The following DIAPH2 variants were observed in gnomAD, a reference collection of about 807,000 sequenced individuals.
DIAPH2 encodes the protein diaphanous related formin 2.
DIAPH2 carries 35 observed loss-of-function variants against 92.7 expected under a neutral mutation model. The ratio of observed to expected loss-of-function variants is 0.38; its 90% confidence interval spans 0.29 to 0.50. The LOEUF is 0.50. Ranked by LOEUF, DIAPH2 falls within the 20% of genes least tolerant of loss-of-function variation. The probability of loss-of-function intolerance (pLI) is 0.94; values close to 1 mark genes in which losing one functional copy is unlikely to be tolerated. For synonymous variants in DIAPH2, 301 were observed against 280.4 expected, an observed-to-expected ratio of 1.07 and a Z score of -0.73; for missense variants, 701 against 819.5, an observed-to-expected ratio of 0.86 and a Z score of 1.77.
intron 4 of DIAPH2, among the ~76,000 whole-genome samples, chrX:96,811,932 T>C (rs910855629): frequency 1.8e-5 from 2 of 112,014 alleles, no homozygotes; most frequent in African/African-American, 3.2e-5. Context: ...CAGTATTTTA[T>C]TGAGGATTTT....
chrX:97,062,113 A>G (rs780050019), intron 17 of DIAPH2, among the ~76,000 whole-genome samples: 11 of 111,639 alleles, frequency 9.9e-5, no homozygotes, highest in Admixed American at 3.8e-4. Context: ...TGATATATCT[A>G]GTTTGTAATT....
chrX:96,727,938 G>A (rs780167202), intron 1 of DIAPH2, among the ~76,000 whole-genome samples: 3 of 107,458 alleles, frequency 2.8e-5, no homozygotes, highest in Non-Finnish European at 3.8e-5. Flanking sequence ...CAAGCTACTC[G>A]GGAGGCTGAG....
chrX:96,993,881 C>G (rs1465020341), intron 17 of DIAPH2, among the ~76,000 whole-genome samples: 1 of 111,268 alleles, frequency 9.0e-6, no homozygotes. Context: ...ACAGAAGGGT[C>G]TTCAGGGCAG....
intron 3 of DIAPH2, among the ~76,000 whole-genome samples, chrX:96,749,145 A>AAAATATATATATAT (rs1252042191): frequency 1.8e-4 from 14 of 79,825 alleles, no homozygotes; most frequent in African/African-American, 6.2e-4. Flanking sequence ...AAAAAAAAAA[A>AAAATATATATATAT]ATATATATAT....
At chrX:97,197,688 T>A (rs932757625) in intron 22 of DIAPH2, among the ~76,000 whole-genome samples, 1 of 112,081 alleles carries the variant, frequency 8.9e-6, no homozygotes, top group African/African-American at 3.2e-5. Flanking sequence ...TTCTCTTGTT[T>A]ACCAGGGGCA....
intron 26 of DIAPH2, among the ~76,000 whole-genome samples, chrX:97,434,837 T>G (rs2147781012): frequency 8.9e-6 from 1 of 112,169 alleles, no homozygotes; most frequent in African/African-American, 3.2e-5. Context: ...AGAAGATTTT[T>G]GGAAATATAG....
At chrX:97,476,571 G>A (rs1361425949) in intron 26 of DIAPH2, among the ~76,000 whole-genome samples, 1 of 111,452 alleles carries the variant, frequency 9.0e-6, no homozygotes, top group Non-Finnish European at 1.9e-5. Context: ...AGCTTAAACA[G>A]TGCTTCTGTA....
chrX:97,076,722 C>T (rs5921299), intron 19 of DIAPH2, among the ~76,000 whole-genome samples: 4,366 of 111,257 alleles, frequency 0.039, 84 homozygotes, highest in Middle Eastern at 0.065. Flanking sequence ...TAAAGTTTAC[C>T]TCATATATAT....
At position 97,600,181 on chromosome X, in the gene DIAPH2, A is replaced by G. The variant is rs2071584257; in HGVS notation, c.*864A>G. Reference sequence around the variant, plus strand: ...ATTCTATTACGTTTATTTAGATTTCAAAGGCAAATATTGATTCCTATGCTC... The same window carrying G: ...ATTCTATTACGTTTATTTAGATTTCGAAGGCAAATATTGATTCCTATGCTC... On this transcript the variant is annotated 3_prime_UTR_variant, in exon 27 of 27. Transcript: ENST00000324765. The G allele has an allele frequency of 8.9e-6, 1 of 112,409 alleles. No homozygotes were observed. Among genetic ancestry groups the G allele is most frequent in the African/African-American group, 3.2e-5 (1 of 30,961 alleles). 9.3% of individuals were successfully genotyped at this position (112,409 alleles called of 1,213,427 possible).
At chrX:96,745,881 C>A (rs896722726) in intron 3 of DIAPH2, among the ~76,000 whole-genome samples, 1 of 111,541 alleles carries the variant, frequency 9.0e-6, no homozygotes, top group Admixed American at 9.5e-5. Context: ...CTATTGCTGG[C>A]AAGTTTAAAG....
intron 26 of DIAPH2, among the ~76,000 whole-genome samples, chrX:97,506,430 C>T (rs774341883): frequency 3.0e-5 from 3 of 98,900 alleles, no homozygotes; most frequent in Non-Finnish European, 4.0e-5. Context: ...GGATTAGAGG[C>T]GTCAGCCACC....
chrX:97,368,899 C>CTTTTT (rs386417287), intron 24 of DIAPH2, among the ~76,000 whole-genome samples: 2,964 of 51,855 alleles, frequency 0.057, 313 homozygotes, highest in African/African-American at 0.09. Flanking sequence ...TCTACCCTTT[C>CTTTTT]TTTTTTTTTT....
At chrX:97,501,295 A>G (rs1423146613) in intron 26 of DIAPH2, among the ~76,000 whole-genome samples, 2 of 111,809 alleles carry the variant, frequency 1.8e-5, no homozygotes, top group Non-Finnish European at 3.8e-5. Context: ...CTGGAAGGAA[A>G]AAGGCATAGA....
intron 4 of DIAPH2, among the ~76,000 whole-genome samples, chrX:96,836,073 C>G (rs1310698807): frequency 9.1e-6 from 1 of 109,720 alleles, no homozygotes; most frequent in African/African-American, 3.3e-5. Flanking sequence ...CCTCTGGCCT[C>G]TGTCACTGTG....
chrX:97,418,555 C>T (rs1224141197), intron 25 of DIAPH2, among the ~76,000 whole-genome samples: 1 of 112,013 alleles, frequency 8.9e-6, no homozygotes, highest in Non-Finnish European at 1.9e-5. Context: ...TGATGGTGCT[C>T]TGGAAGCCAA....
At chrX:97,391,620 G>A (rs1224852595) in intron 25 of DIAPH2, among the ~76,000 whole-genome samples, 2 of 110,917 alleles carry the variant, frequency 1.8e-5, no homozygotes, top group South Asian at 3.8e-4. Context: ...TACACTTTCC[G>A]TAAAGCTTCT....
chrX:97,316,934 T>C (rs1435928698), intron 23 of DIAPH2, among the ~76,000 whole-genome samples: 2 of 111,498 alleles, frequency 1.8e-5, no homozygotes, highest in Admixed American at 9.6e-5. Flanking sequence ...GCTTCCATAA[T>C]AGGAACAGCA....
intron 19 of DIAPH2, among the ~76,000 whole-genome samples, chrX:97,079,626 A>T (rs999532712): frequency 4.5e-5 from 5 of 111,458 alleles, no homozygotes; most frequent in African/African-American, 1.6e-4. Flanking sequence ...AGTCATTTAC[A>T]AAGAAGTGAT....
chrX:97,107,402 T>G (rs1171256597), intron 20 of DIAPH2, among the ~76,000 whole-genome samples: 1 of 112,021 alleles, frequency 8.9e-6, no homozygotes, highest in African/African-American at 3.3e-5. Context: ...TCCATATAGT[T>G]GGTACACTTG....
Sources: gnomAD v4.1 joint callset for allele counts (sites outside exome capture counted in the v4.1 genomes callset) on GRCh38, gnomAD v4.1.1 for gene constraint, MANE v1.5 for transcripts, NCBI Gene and HGNC (gene_info 2026-07-23, HGNC 2026-07-21) for gene names.